The following SMIM8 variants were observed in gnomAD, a reference collection of about 807,000 sequenced individuals.
SMIM8 encodes small integral membrane protein 8.
A neutral mutation model predicts 8.1 loss-of-function variants in SMIM8; 8 were observed. That is an observed-to-expected ratio of 0.99 (90% CI 0.58 to 1.78). The LOEUF (loss-of-function observed/expected upper bound fraction) is 1.78. Among genes scored for constraint, SMIM8 ranks in the 40% most tolerant of loss-of-function variants. The pLI is 0.00. For missense variants in SMIM8, 126 were observed against 119.8 expected (o/e 1.05, Z -0.24); for synonymous variants, 45 against 39.7 (o/e 1.13, Z -0.50).
rs1777130463 is a variant in SMIM8, at chr6:87,337,088, G to A, written c.57G>A (p.Glu19=). Residue 19 remains glutamate (E), a synonymous_variant, in exon 3 of 4, where the codon GAG becomes GAA. Coordinates refer to ENST00000392863, the MANE Select transcript of SMIM8 (RefSeq NM_001042493.3). The stretch of plus-strand genomic sequence containing the variant: ...AAAAGGAACCACCCAAAGAGAAAGA[G>A]TTTCAAAGCCCAGGGCTCAGAGGGG... ...TFKKEPPKEK[E]FQSPGLRGVR... The A allele has an allele frequency of 1.2e-6, 2 of 1,613,230 alleles. No homozygotes were observed. The highest frequency in any genetic ancestry group is 1.7e-6 in the Non-Finnish European group (2 of 1,179,488).
At chr6:87,330,973 C>T (rs1776982867) in intron 2 of SMIM8, 1 of 152,148 alleles carries the variant, frequency 6.6e-6, no homozygotes, top group Admixed American at 6.5e-5. Context: ...ACAAATTAAT[C>T]ACAAAATTAC....
chr6:87,341,485 A>G lies in SMIM8; in HGVS notation c.*1211A>G, dbSNP rs1007053761. On this transcript the variant is annotated 3_prime_UTR_variant, in exon 4 of 4. Coordinates refer to ENST00000392863, the MANE Select transcript of SMIM8 (RefSeq NM_001042493.3). ...CTTACAAGGGTTCTGGACCCGTTTC[A>G]TTTCTAGATATATACCTAATTCTCC... 9.0e-5 allele frequency: 35 copies of G among 390,934 alleles called. No homozygotes were observed. Among genetic ancestry groups the G allele is most frequent in the African/African-American group, 7.0e-4 (34 of 48,456 alleles). 24.2% of individuals were successfully genotyped at this position (390,934 alleles called of 1,614,324 possible).
rs149241641 is a variant in SMIM8, at chr6:87,338,428, A to G, written c.135+1262A>G. On this transcript the variant is annotated intron_variant, in intron 3 of 3. Transcript: ENST00000392863. ...GAATCAGGAGAGGGGGCAAGTACAA[A>G]AGTTGCTTTTCAGTAATTTTCATTG... 4.5e-3 allele frequency among the ~76,000 whole-genome samples: 687 copies of G among 152,302 alleles called. 3 individuals are homozygous for G. The highest frequency in any genetic ancestry group is 7.4e-3 in the Non-Finnish European group (506 of 68,026).
chr6:87,326,116 C>G (rs140265632), intron 1 of SMIM8, among the ~76,000 whole-genome samples: 3 of 152,056 alleles, frequency 2.0e-5, no homozygotes, highest in African/African-American at 7.2e-5. Context: ...GGTGATATCC[C>G]TTTTATCATT....
At chr6:87,328,764 C>CT (rs1330614951) in intron 1 of SMIM8, among the ~76,000 whole-genome samples, 4 of 152,224 alleles carry the variant, frequency 2.6e-5, no homozygotes, top group Non-Finnish European at 4.4e-5. Flanking sequence ...CCTCCTTGAG[C>CT]TGTGGTGGGC....
At chr6:87,331,878 C>T (rs956729655) in intron 2 of SMIM8, among the ~76,000 whole-genome samples, 1 of 152,060 alleles carries the variant, frequency 6.6e-6, no homozygotes, top group Non-Finnish European at 1.5e-5. Flanking sequence ...AAATGTTACT[C>T]TCATACTTTC....
rs536451941 is a variant in SMIM8 at position 87,338,521 on chromosome 6, A to C, written c.135+1355A>C. ...CTACAGAGTATGAGTTATAATGTCT[A>C]GTGGAGGGCATTGTAAGGTTAATAT... On this transcript the variant is annotated intron_variant, in intron 3 of 3. Transcript: ENST00000392863. Among the ~76,000 whole-genome samples the C allele has an allele frequency of 8.5e-5, 13 of 152,346 alleles. No homozygotes were observed. In the East Asian group the frequency reaches 2.5e-3, roughly 29 times the overall value.
chr6:87,339,832 T>G lies in SMIM8; in HGVS notation c.136-284T>G, dbSNP rs1777183064. Among the ~76,000 whole-genome samples the G allele has an allele frequency of 2.0e-5, 3 of 152,150 alleles. No individual in the cohort carries two copies. The South Asian group carries it at 6.2e-4, about 32-fold the overall frequency. ...CTGACCAGTTTTCCTGCCCCACTCC[T>G]TTCCCAGCTGTCACCTTCCTGAGAG... is the stretch of plus-strand genomic sequence containing the variant. On this transcript the variant is annotated intron_variant, in intron 3 of 3. Coordinates refer to ENST00000392863, the MANE Select transcript of SMIM8 (RefSeq NM_001042493.3).
intron 3 of SMIM8, among the ~76,000 whole-genome samples, chr6:87,337,799 A>T (rs569963829): frequency 1.2e-4 from 18 of 152,080 alleles, no homozygotes; most frequent in East Asian, 5.8e-4. Flanking sequence ...GCTCATTTTT[A>T]AAATTTTTTG....
chr6:87,323,831 A>T (rs906158313), intron 1 of SMIM8, among the ~76,000 whole-genome samples: 3 of 152,008 alleles, frequency 2.0e-5, no homozygotes, highest in African/African-American at 7.3e-5. Flanking sequence ...CTAGTTCTAG[A>T]TCCCTGAGGA....
rs1777217813 is a variant in SMIM8, at chr6:87,340,852, C to A, written c.*578C>A. The A allele has an allele frequency of 1.3e-5, 2 of 151,508 alleles. No homozygotes were observed. The highest frequency in any genetic ancestry group is 4.9e-5 in the African/African-American group (2 of 40,692). 9.4% of individuals were successfully genotyped at this position (151,508 alleles called of 1,614,324 possible). A position where few individuals can be genotyped will look rare whatever the true frequency, so the allele number is the denominator to read the frequency against. ...GTTTCCATTTTAGCTATTTTTGGGA[C>A]AGAATTTTATTTTAATGGAAAAGAT... is the stretch of plus-strand genomic sequence containing the variant. On this transcript the variant is annotated 3_prime_UTR_variant, in exon 4 of 4. Coordinates refer to ENST00000392863, the MANE Select transcript of SMIM8 (RefSeq NM_001042493.3).
chr6:87,325,661 C>T (rs200432053), intron 1 of SMIM8, among the ~76,000 whole-genome samples: 16,897 of 150,790 alleles, frequency 0.11, 980 homozygotes, highest in East Asian at 0.13. Flanking sequence ...TGCTGGATTC[C>T]GTTTGCCAGT....
At chr6:87,333,792 A>G (rs1253159906) in intron 2 of SMIM8, among the ~76,000 whole-genome samples, 1 of 152,236 alleles carries the variant, frequency 6.6e-6, no homozygotes. Flanking sequence ...AGAAATGGGC[A>G]TGTAACTGTG....
intron 2 of SMIM8, among the ~76,000 whole-genome samples, chr6:87,336,471 A>T (rs1426905344): frequency 6.6e-6 from 1 of 152,206 alleles, no homozygotes; most frequent in Non-Finnish European, 1.5e-5. Flanking sequence ...ACAGCTCCTT[A>T]TCCTTACTGC....
At chr6:87,324,660 T>G (rs12523776) in intron 1 of SMIM8, among the ~76,000 whole-genome samples, 59,222 of 150,410 alleles carry the variant, frequency 0.39, 12,596 homozygotes, top group Non-Finnish European at 0.48. Flanking sequence ...CCATGCTGTT[T>G]TGGTTACTGT....
At chr6:87,328,334 T>G (rs1398114123) in intron 1 of SMIM8, among the ~76,000 whole-genome samples, 1 of 152,154 alleles carries the variant, frequency 6.6e-6, no homozygotes, top group Non-Finnish European at 1.5e-5. Flanking sequence ...CACTCTGCTT[T>G]TTAGAGTTTC....
intron 1 of SMIM8, among the ~76,000 whole-genome samples, 170 bp from the exon 2 acceptor site, chr6:87,330,522 C>G (rs1359138459): frequency 1.3e-5 from 2 of 151,954 alleles, no homozygotes; most frequent in Non-Finnish European, 2.9e-5. Flanking sequence ...AATGACTAGT[C>G]CTGACTCTCG....
rs190469272 is a variant in SMIM8, at chr6:87,340,597, T to G, written c.*323T>G. ...ATGCTGTTAAATTTGCATGATGTTT[T>G]AAATATTTTAAGATGAATTATGCCG... On this transcript the variant is annotated 3_prime_UTR_variant, in exon 4 of 4. Transcript: ENST00000392863. The G allele has an allele frequency of 5.9e-6, 1 of 169,398 alleles. No homozygotes were observed. The highest frequency in any genetic ancestry group is 6.3e-5 in the Admixed American group (1 of 15,784). 10.5% of individuals were successfully genotyped at this position (169,398 alleles called of 1,614,324 possible).
At chr6:87,325,440 C>T (rs576044664) in intron 1 of SMIM8, among the ~76,000 whole-genome samples, 2 of 147,494 alleles carry the variant, frequency 1.4e-5, no homozygotes, top group Non-Finnish European at 3.0e-5. Context: ...AGATACGTCC[C>T]ATCAATACCT....
Sources: gnomAD v4.1 joint callset for allele counts (sites outside exome capture counted in the v4.1 genomes callset) on GRCh38, gnomAD v4.1.1 for gene constraint, MANE v1.5 for transcripts, NCBI Gene and HGNC (gene_info 2026-07-23, HGNC 2026-07-21) for gene names.